The following CNTLN variants were observed in gnomAD, a reference collection of about 807,000 sequenced individuals.
CNTLN encodes centlein, centrosomal protein.
In CNTLN, 212 loss-of-function variants were observed where a neutral mutation model predicts 180.0. That is an observed-to-expected ratio of 1.18 (90% CI 1.05 to 1.32). CNTLN has a LOEUF of 1.32. Among genes scored for constraint, CNTLN ranks in the 40% most tolerant of loss-of-function variants. CNTLN has a pLI of 0.00. For missense variants in CNTLN, 2,095 were observed against 1,610.9 expected (o/e 1.30, Z -5.14); for synonymous variants, 722 against 563.1 (o/e 1.28, Z -3.99).
chr9:17,177,661 T>C (rs2131695620), intron 2 of CNTLN, among the ~76,000 whole-genome samples: 1 of 152,184 alleles, frequency 6.6e-6, no homozygotes, highest in African/African-American at 2.4e-5. Context: ...TTACAGCTCT[T>C]AAGGCAGCAC....
intron 18 of CNTLN, among the ~76,000 whole-genome samples, chr9:17,442,794 T>C (rs890068938): frequency 3.3e-5 from 5 of 152,150 alleles, no homozygotes; most frequent in African/African-American, 1.2e-4. Flanking sequence ...ATAACATACC[T>C]GAATTTATGG....
chr9:17,404,834 C>T lies in CNTLN; in HGVS notation c.2616-4459C>T, dbSNP rs558651350. ...CTCACTGCAGGCTCCACCTCCTGGG[C>T]GCAAACGATTCTCCTGCCTCAGCCT... is the stretch of plus-strand genomic sequence containing the variant. On this transcript the variant is annotated intron_variant, in intron 15 of 25. Transcript: ENST00000380647. Among the ~76,000 whole-genome samples, 58 of 149,538 alleles carry T rather than the reference C, an allele frequency of 3.9e-4. 1 individual carries two copies. Among genetic ancestry groups the T allele is most frequent in the African/African-American group, 1.2e-3 (48 of 40,210 alleles).
At chr9:17,229,820 G>GT (rs1309598113) in intron 3 of CNTLN, among the ~76,000 whole-genome samples, 1 of 152,104 alleles carries the variant, frequency 6.6e-6, no homozygotes, top group African/African-American at 2.4e-5. Flanking sequence ...TAGGTTTTAT[G>GT]TTTATCTGGC....
intron 6 of CNTLN, among the ~76,000 whole-genome samples, chr9:17,294,969 C>T (rs1345589604): frequency 6.7e-6 from 1 of 149,584 alleles, no homozygotes; most frequent in Non-Finnish European, 1.5e-5. Flanking sequence ...AGGTCCCCAG[C>T]CCTGCCGCAC....
At chr9:17,261,205 T>C (rs753716094) in intron 5 of CNTLN, among the ~76,000 whole-genome samples, 1 of 151,488 alleles carries the variant, frequency 6.6e-6, no homozygotes, top group Non-Finnish European at 1.5e-5. Flanking sequence ...TGTAATTCTG[T>C]CAAAAGTGAC....
At chr9:17,209,068 C>T (rs540348935) in intron 2 of CNTLN, among the ~76,000 whole-genome samples, 13 of 152,074 alleles carry the variant, frequency 8.5e-5, no homozygotes, top group Admixed American at 6.6e-5. Context: ...TTGATGTAGG[C>T]GCTTATAACT....
At chr9:17,239,850 A>G (rs998625621) in intron 5 of CNTLN, among the ~76,000 whole-genome samples, 18 of 152,290 alleles carry the variant, frequency 1.2e-4, no homozygotes, top group African/African-American at 3.4e-4. Context: ...TGTCTATGCC[A>G]CATTTTCTTG....
At chr9:17,204,154 A>G (rs186307153) in intron 2 of CNTLN, among the ~76,000 whole-genome samples, 10 of 152,218 alleles carry the variant, frequency 6.6e-5, no homozygotes, top group African/African-American at 2.4e-4. Flanking sequence ...TTCTGAAGCT[A>G]TTTCTGTCAG....
chr9:17,177,239 C>T (rs1820773368), intron 2 of CNTLN, among the ~76,000 whole-genome samples: 1 of 152,028 alleles, frequency 6.6e-6, no homozygotes, highest in Non-Finnish European at 1.5e-5. Context: ...GAAACCCCGT[C>T]TCTACTAAAA....
intron 12 of CNTLN, among the ~76,000 whole-genome samples, chr9:17,360,838 A>C (rs1248858828): frequency 1.3e-5 from 2 of 152,226 alleles, no homozygotes; most frequent in Non-Finnish European, 2.9e-5. Flanking sequence ...ATAGCCCAGC[A>C]TGTGGTCTTA....
intron 3 of CNTLN, among the ~76,000 whole-genome samples, chr9:17,226,921 T>A (rs1452018231): frequency 6.6e-6 from 1 of 151,336 alleles, no homozygotes; most frequent in Non-Finnish European, 1.5e-5. Flanking sequence ...TTTTTTAATT[T>A]TTTTAATTTT....
chr9:17,135,714 C>T (rs1229565058), intron 1 of CNTLN, among the ~76,000 whole-genome samples: 1 of 152,206 alleles, frequency 6.6e-6, no homozygotes, highest in African/African-American at 2.4e-5. Context: ...CTCCGCTTCC[C>T]CCCCAAGCCC....
At chr9:17,229,454 A>G (rs1277354846) in intron 3 of CNTLN, among the ~76,000 whole-genome samples, 1 of 152,068 alleles carries the variant, frequency 6.6e-6, no homozygotes, top group African/African-American at 2.4e-5. Context: ...TTTAAGTAAT[A>G]GCTCACGCAG....
chr9:17,270,335 A>G (rs1444387896), intron 5 of CNTLN, among the ~76,000 whole-genome samples: 1 of 151,854 alleles, frequency 6.6e-6, no homozygotes, highest in East Asian at 1.9e-4. Context: ...AAGGTGTTGG[A>G]TTGTTTTGGA....
intron 1 of CNTLN, 109 bp downstream of exon 1, chr9:17,135,534 T>A: frequency 7.4e-7 from 1 of 1,355,258 alleles, no homozygotes; most frequent in Non-Finnish European, 9.8e-7. Flanking sequence ...CCAGCGACGC[T>A]CCCTGGCAGA....
chr9:17,492,826 G>A (rs1386668626), intron 25 of CNTLN, among the ~76,000 whole-genome samples: 5 of 152,044 alleles, frequency 3.3e-5, no homozygotes. Context: ...CCAAATGATG[G>A]AAATGATCCA....
chr9:17,199,443 C>T (rs1822371246), intron 2 of CNTLN, among the ~76,000 whole-genome samples: 1 of 152,066 alleles, frequency 6.6e-6, no homozygotes, highest in South Asian at 2.1e-4. Context: ...AATCTCCTGA[C>T]CTCGTGATCC....
intron 5 of CNTLN, among the ~76,000 whole-genome samples, chr9:17,272,183 T>C (rs1448434123): frequency 6.8e-6 from 1 of 147,992 alleles, no homozygotes; most frequent in African/African-American, 2.5e-5. Context: ...TTCAAGCGAT[T>C]CTTTTGCCTC....
At chr9:17,389,507 C>T (rs1825936702) in intron 14 of CNTLN, among the ~76,000 whole-genome samples, 1 of 152,028 alleles carries the variant, frequency 6.6e-6, no homozygotes, top group African/African-American at 2.4e-5. Context: ...ATAGTAGATC[C>T]AGACATCCAT....
Sources: gnomAD v4.1 joint callset for allele counts (sites outside exome capture counted in the v4.1 genomes callset) on GRCh38, gnomAD v4.1.1 for gene constraint, MANE v1.5 for transcripts, NCBI Gene and HGNC (gene_info 2026-07-23, HGNC 2026-07-21) for gene names.